Variants in ARL17B observed in about 807,000 individuals in gnomAD.
The protein encoded by ARL17B is ARF like GTPase 17B.
chr17:46,285,304 G>T (rs2532306), intron 4 of ARL17B, among the ~76,000 whole-genome samples: 39,714 of 142,764 alleles, frequency 0.28, 6,773 homozygotes, highest in East Asian at 0.69. Flanking sequence ...GCCATGGCTC[G>T]ATCTTGGCTC....
At chr17:46,284,585 T>TG (rs1266438279) in intron 4 of ARL17B, among the ~76,000 whole-genome samples, 1 of 152,194 alleles carries the variant, frequency 6.6e-6, no homozygotes, top group South Asian at 2.1e-4. Context: ...CCCCACAGTG[T>TG]GGGGGGTGGA....
intron 4 of ARL17B, among the ~76,000 whole-genome samples, chr17:46,290,689 G>A (rs2668649): frequency 6.6e-5 from 10 of 152,144 alleles, no homozygotes; most frequent in Non-Finnish European, 7.4e-5. Flanking sequence ...TCAAGTGATC[G>A]TTTCACCTCA....
At chr17:46,279,175 CT>C (rs375830178) in intron 4 of ARL17B, among the ~76,000 whole-genome samples, 17,165 of 144,192 alleles carry the variant, frequency 0.12, 2 homozygotes, top group Non-Finnish European at 0.18. Flanking sequence ...ATAAGGCATT[CT>C]TTTTTTTCTT....
intron 4 of ARL17B, among the ~76,000 whole-genome samples, chr17:46,287,113 C>CTG: frequency 6.6e-6 from 1 of 152,226 alleles, no homozygotes; most frequent in Non-Finnish European, 1.5e-5. Flanking sequence ...AACCATTCTA[C>CTG]CCCTGGCAAA....
chr17:46,315,879 C>A (rs1169637383), intron 3 of ARL17B, among the ~76,000 whole-genome samples: 1 of 58,766 alleles, frequency 1.7e-5, no homozygotes, highest in Admixed American at 1.9e-4. Context: ...TTATGTTCAT[C>A]AACTAGATTT....
chr17:46,288,713 T>C (rs2049987402), intron 4 of ARL17B, among the ~76,000 whole-genome samples: 1 of 151,810 alleles, frequency 6.6e-6, no homozygotes, highest in South Asian at 2.1e-4. Flanking sequence ...TTTCTTTTTT[T>C]TTTTTTTTGA....
intron 4 of ARL17B, among the ~76,000 whole-genome samples, chr17:46,277,258 C>T (rs1221822992): frequency 6.6e-6 from 1 of 152,234 alleles, no homozygotes; most frequent in East Asian, 1.9e-4. Context: ...TATGCGGGCC[C>T]AGCCTAGGTC....
chr17:46,283,987 C>T (rs2049840721), intron 4 of ARL17B, among the ~76,000 whole-genome samples: 1 of 152,252 alleles, frequency 6.6e-6, no homozygotes, highest in Admixed American at 6.5e-5. Context: ...CCGCGTGTCC[C>T]ACCTCCAGCC....
At chr17:46,277,957 T>G (rs961475328) in intron 4 of ARL17B, among the ~76,000 whole-genome samples, 1 of 151,802 alleles carries the variant, frequency 6.6e-6, no homozygotes, top group Non-Finnish European at 1.5e-5. Flanking sequence ...AGATTTTTTT[T>G]CTTTTGAGAT....
exon 5 of ARL17B, chr17:46,274,975 C>G (rs574126450): frequency 1.8e-4 from 29 of 157,020 alleles, no homozygotes; most frequent in African/African-American, 6.5e-4. Flanking sequence ...TCAATACAAC[C>G]TCTGCCTCCC....
rs1241226189 is a variant in ARL17B at position 46,275,428 on chromosome 17, A to G, written c.*22-10T>C. On this transcript the variant is annotated splice_polypyrimidine_tract_variant and intron_variant, in intron 4 of 4. Transcript: ENST00000570618. ...TTTGTTGTTGTGAGACCTACAGAGT[A>G]TAGAAAAAGGGAACAATTGAGCACC... 8 of 930,668 alleles carry G rather than the reference A, an allele frequency of 8.6e-6. No homozygotes were observed. The Admixed American group carries it at 1.7e-4, about 19-fold the overall frequency. The allele number at this position is 930,668 out of a possible 1,614,324, so 57.7% of individuals were successfully genotyped here.
At chr17:46,276,553 T>G (rs1184905457) in intron 4 of ARL17B, among the ~76,000 whole-genome samples, 1 of 152,210 alleles carries the variant, frequency 6.6e-6, no homozygotes, top group African/African-American at 2.4e-5. Flanking sequence ...GTATAAATGA[T>G]GAATTATAAC....
intron 4 of ARL17B, among the ~76,000 whole-genome samples, chr17:46,276,049 C>T (rs1437250916): frequency 1.3e-5 from 2 of 152,182 alleles, no homozygotes; most frequent in Non-Finnish European, 2.9e-5. Flanking sequence ...TGCCACCACA[C>T]CCGGCTAATT....
At position 46,316,656 on chromosome 17, in the gene ARL17B, C is replaced by T. The variant is rs1275187673; in HGVS notation, c.260-16991G>A. Among the ~76,000 whole-genome samples the T allele has an allele frequency of 3.1e-5, 2 of 65,216 alleles. 1 individual carries two copies. The highest frequency in any genetic ancestry group is 8.6e-5 in the Non-Finnish European group (2 of 23,146). The allele number at this position is 65,216 out of a possible 152,430, so 42.8% of individuals were successfully genotyped here. A position where few individuals can be genotyped will look rare whatever the true frequency, so the allele number is the denominator to read the frequency against. On this transcript the variant is annotated intron_variant, in intron 3 of 4. Transcript: ENST00000434041. ...TTATTGATCATTCTTGGGTGTTTCT[C>T]GCAGAGGGGGATTTGGCAGGGTCAT...
At chr17:46,331,206 C>T (rs1403198186), downstream of ARL17B, 5 of 727,946 alleles carry the variant, frequency 6.9e-6, 2 homozygotes, top group Admixed American at 5.7e-5. Context: ...TTTCACAAAA[C>T]TCGCTCCCAC....
At chr17:46,274,567 T>C (rs2049537666), downstream of ARL17B, among the ~76,000 whole-genome samples, 3 of 152,246 alleles carry the variant, frequency 2.0e-5, no homozygotes, top group Admixed American at 6.5e-5. Context: ...AAGATATGGA[T>C]GGATTATATG....
chr17:46,291,693 G>A (rs1052115870), intron 4 of ARL17B, among the ~76,000 whole-genome samples: 4 of 152,306 alleles, frequency 2.6e-5, no homozygotes, highest in African/African-American at 9.6e-5. Flanking sequence ...AGTCGAGGAA[G>A]GAGGATCACT....
At position 46,335,613 on chromosome 17, in the gene ARL17B, A is replaced by ATT; in HGVS notation, c.*3885_*3886dup. On this transcript the variant is annotated 3_prime_UTR_variant, in exon 4 of 4. Transcript: ENST00000450673. ...TCTCAAGGTAAATATTAGTCTGGTG[A>ATT]TTTTTTTTTTCTTCTCTTTTGAGAT... The ATT allele has an allele frequency of 5.7e-6, 1 of 175,554 alleles. No homozygotes were observed. The highest frequency in any genetic ancestry group is 3.2e-5 in the East Asian group (1 of 30,870). The allele number at this position is 175,554 out of a possible 1,614,324, so 10.9% of individuals were successfully genotyped here.
chr17:46,340,223 T>TTTTTC (rs1567886701), intron 3 of ARL17B, among the ~76,000 whole-genome samples: 1 of 84,464 alleles, frequency 1.2e-5, no homozygotes, highest in African/African-American at 3.2e-5. Flanking sequence ...TTTCTTTTTT[T>TTTTTC]TTTTCTTTTA....
Sources: gnomAD v4.1 joint callset for allele counts (sites outside exome capture counted in the v4.1 genomes callset) on GRCh38, gnomAD v4.1.1 for gene constraint, MANE v1.5 for transcripts, NCBI Gene and HGNC (gene_info 2026-07-23, HGNC 2026-07-21) for gene names.